Variants in PPFIA1 observed in about 807,000 individuals in gnomAD.
The protein encoded by PPFIA1 is liprin-alpha-1.
PPFIA1 carries 25 observed loss-of-function variants against 149.9 expected under a neutral mutation model. The observed-to-expected ratio is 0.17, with a 90% CI of 0.12 to 0.23. The LOEUF (loss-of-function observed/expected upper bound fraction) is 0.23, where lower values mean the gene tolerates loss of function less well. Ranked by LOEUF, PPFIA1 falls within the 10% of genes least tolerant of loss-of-function variation. The pLI, the probability that PPFIA1 is intolerant of heterozygous loss-of-function variation, is 1.00. For missense variants in PPFIA1, 1,362 were observed against 1,506.5 expected, an observed-to-expected ratio of 0.90 and a Z score of 1.59; for synonymous variants, 549 against 552.8, an observed-to-expected ratio of 0.99 and a Z score of 0.10.
chr11:70,378,005 T>TG (rs1407267573), intron 25 of PPFIA1, 25 bp from the exon 26 acceptor site: 2 of 1,548,398 alleles, frequency 1.3e-6, no homozygotes, highest in African/African-American at 2.7e-5. Context: ...AAATGAATCT[T>TG]GTTTTTTGTT....
intron 2 of PPFIA1, among the ~76,000 whole-genome samples, chr11:70,284,787 C>G (rs1051917916): frequency 6.6e-6 from 1 of 152,004 alleles, no homozygotes; most frequent in South Asian, 2.1e-4. Flanking sequence ...TTAGCTGAGT[C>G]AAAGCTGGGG....
chr11:70,342,892 G>A (rs541400592), intron 14 of PPFIA1, among the ~76,000 whole-genome samples: 3 of 145,232 alleles, frequency 2.1e-5, no homozygotes, highest in African/African-American at 7.7e-5. Flanking sequence ...TTTACACTAG[G>A]AACATTCAAG....
At chr11:70,324,718 A>G in intron 3 of PPFIA1, 129 bp from the exon 4 acceptor site, 1 of 992,712 alleles carries the variant, frequency 1.0e-6, no homozygotes. Flanking sequence ...ATTGAGAGGA[A>G]TTTGTTTTTC....
chr11:70,370,506 C>G (rs1173290078), intron 21 of PPFIA1, among the ~76,000 whole-genome samples: 1 of 151,988 alleles, frequency 6.6e-6, no homozygotes, highest in African/African-American at 2.4e-5. Context: ...CCTGCCTCAG[C>G]CTCCTGAGTA....
chr11:70,291,138 G>A (rs1045986793), intron 2 of PPFIA1, among the ~76,000 whole-genome samples: 1 of 151,978 alleles, frequency 6.6e-6, no homozygotes, highest in South Asian at 2.1e-4. Flanking sequence ...ACCAGCTCCC[G>A]GCCTCCCAAA....
chr11:70,276,270 C>CTTTTTTTTT (rs567492443), intron 2 of PPFIA1, among the ~76,000 whole-genome samples: 2 of 136,512 alleles, frequency 1.5e-5, no homozygotes, highest in African/African-American at 5.6e-5. Context: ...CTGCGCCTTG[C>CTTTTTTTTT]TTTTTTTTTT....
chr11:70,350,356 A>G (rs187586253), intron 16 of PPFIA1, among the ~76,000 whole-genome samples: 1 of 152,346 alleles, frequency 6.6e-6, no homozygotes, highest in Admixed American at 6.5e-5. Flanking sequence ...AAATCTCATC[A>G]GCCTGTTGAG....
intron 2 of PPFIA1, among the ~76,000 whole-genome samples, chr11:70,322,885 T>G (rs2054028756): frequency 6.6e-6 from 1 of 152,206 alleles, no homozygotes; most frequent in Non-Finnish European, 1.5e-5. Flanking sequence ...CAGCTTTGGA[T>G]GTGTCCACAG....
rs1228398410 is a variant in PPFIA1, at chr11:70,283,510, G to A, written c.264+11074G>A. ...TGAAAAAGAAGTCTACCTGTGTCAG[G>A]GGTGTTCCCTGTCAAAGTGATGGGT... On this transcript the variant is annotated intron_variant, in intron 2 of 27. Transcript: ENST00000253925. Among the ~76,000 whole-genome samples the A allele has an allele frequency of 3.3e-5, 5 of 152,114 alleles. No individual in the cohort carries two copies. In the South Asian group the frequency reaches 1.0e-3, roughly 32 times the overall value.
intron 8 of PPFIA1, 28 bp downstream of exon 8, chr11:70,330,347 G>T (rs2054580606): frequency 3.9e-6 from 6 of 1,522,554 alleles, no homozygotes; most frequent in African/African-American, 1.4e-5. Context: ...CCTTTGTCTG[G>T]CTTTAGTTAA....
chr11:70,349,447 AT>A (rs1198315170), intron 16 of PPFIA1, among the ~76,000 whole-genome samples: 12 of 152,298 alleles, frequency 7.9e-5, no homozygotes, highest in Non-Finnish European at 1.5e-4. Context: ...CCTGGGCAAC[AT>A]AGTGAGAACC....
At chr11:70,373,729 G>T (rs1461242801) in intron 23 of PPFIA1, 2 of 152,184 alleles carry the variant, frequency 1.3e-5, no homozygotes, top group Non-Finnish European at 2.9e-5. Context: ...CAGTCTAAGT[G>T]CTGTTTTCAT....
rs2056237398 is a variant in PPFIA1, at chr11:70,354,329, A to T, written c.2192A>T (p.Asp731Val). Residue 731 changes from aspartate to valine, a missense_variant, in exon 17 of 28, where the codon GAT becomes GTT. By Grantham distance (152) the Asp-to-Val change is radical. Transcript: ENST00000253925. ...LLPPSREEVR[D>V]DKTTIKCETS... Reference sequence around the variant, plus strand: ...CCACCTTCCAGAGAAGAGGTACGAGATGACAAGACAACCATAAAGTGTGAA... The same window carrying T: ...CCACCTTCCAGAGAAGAGGTACGAGTTGACAAGACAACCATAAAGTGTGAA... 1 of 1,613,912 alleles carries T rather than the reference A, an allele frequency of 6.2e-7. No individual in the cohort carries two copies. Among genetic ancestry groups the T allele is most frequent in the Non-Finnish European group, 8.5e-7 (1 of 1,179,940 alleles).
rs748905899 is a variant in PPFIA1, at chr11:70,383,323, A to C, written c.*333A>C. The stretch of plus-strand genomic sequence containing the variant: ...TTAGTCTTTCAAATGAATGTACTGT[A>C]ATGCTTGTATGTATAAATCCTATGA... On this transcript the variant is annotated 3_prime_UTR_variant, in exon 28 of 28. Coordinates refer to ENST00000253925, the MANE Select transcript of PPFIA1 (RefSeq NM_003626.5). 5 of 240,254 alleles carry C rather than the reference A, an allele frequency of 2.1e-5. No homozygotes were observed. In the South Asian group the frequency reaches 2.3e-4, roughly 11 times the overall value. 14.9% of individuals were successfully genotyped at this position (240,254 alleles called of 1,614,324 possible). A position where few individuals can be genotyped will look rare whatever the true frequency, so the allele number is the denominator to read the frequency against.
chr11:70,296,148 A>C (rs1486421182), intron 2 of PPFIA1, among the ~76,000 whole-genome samples: 2 of 147,674 alleles, frequency 1.4e-5, no homozygotes, highest in Non-Finnish European at 3.0e-5. Context: ...GGTGCTCCTC[A>C]CTTCCTAGAT....
At chr11:70,366,454 A>C (rs1421990173) in intron 21 of PPFIA1, among the ~76,000 whole-genome samples, 4 of 152,256 alleles carry the variant, frequency 2.6e-5, no homozygotes, top group African/African-American at 9.6e-5. Flanking sequence ...TACTAATGGA[A>C]TCCTAAGGAA....
chr11:70,293,714 C>A (rs1216758943), intron 2 of PPFIA1, among the ~76,000 whole-genome samples: 2 of 152,136 alleles, frequency 1.3e-5, no homozygotes, highest in Non-Finnish European at 2.9e-5. Context: ...CTGGAAGAAG[C>A]CAGTCTCCGA....
chr11:70,293,478 C>T (rs974587669), intron 2 of PPFIA1, among the ~76,000 whole-genome samples: 1 of 152,162 alleles, frequency 6.6e-6, no homozygotes, highest in Non-Finnish European at 1.5e-5. Flanking sequence ...AATAGAGAAG[C>T]AAATAAAACC....
intron 2 of PPFIA1, among the ~76,000 whole-genome samples, chr11:70,286,923 C>CAT (rs1192643134): frequency 7.1e-6 from 1 of 141,720 alleles, no homozygotes; most frequent in Non-Finnish European, 1.5e-5. Context: ...TGTATACACA[C>CAT]ATATATATAC....
Sources: allele counts gnomAD v4.1 joint callset (sites outside exome capture counted in the v4.1 genomes callset), GRCh38; gene constraint gnomAD v4.1.1; transcripts MANE v1.5; gene names NCBI Gene and HGNC (gene_info 2026-07-23, HGNC 2026-07-21).